ADARB2: variants seen among roughly 807,000 people sequenced by gnomAD.
ADARB2 encodes inactive double-stranded RNA-specific editase B2.
Under a neutral mutation model 62.2 loss-of-function variants are expected in ADARB2, and 25 were observed. The observed-to-expected ratio is 0.40, with a 90% CI of 0.29 to 0.56. ADARB2 has a LOEUF of 0.56. Ranked by LOEUF, ADARB2 falls within the 20% of genes least tolerant of loss-of-function variation. ADARB2 has a pLI of 0.43. For missense variants in ADARB2, 1,071 were observed against 1,077.4 expected, an observed-to-expected ratio of 0.99 and a Z score of 0.08; for synonymous variants, 572 against 500.8, an observed-to-expected ratio of 1.14 and a Z score of -1.90.
At chr10:1,215,480 A>G (rs1318779169) in intron 7 of ADARB2, among the ~76,000 whole-genome samples, 1 of 151,984 alleles carries the variant, frequency 6.6e-6, no homozygotes, top group African/African-American at 2.4e-5. Context: ...GGCCCTCCCC[A>G]CTCAGCCTCC....
chr10:1,191,236 C>T (rs932812347), intron 8 of ADARB2, among the ~76,000 whole-genome samples: 4 of 152,190 alleles, frequency 2.6e-5, no homozygotes, highest in South Asian at 2.1e-4. Context: ...TGAGGACCAG[C>T]GGGGCTCACG....
intron 3 of ADARB2, among the ~76,000 whole-genome samples, chr10:1,337,657 C>T (rs764833025): frequency 6.6e-5 from 10 of 151,930 alleles, no homozygotes; most frequent in Non-Finnish European, 1.2e-4. Context: ...TCAACTTTAC[C>T]CTGGGGCTGG....
At chr10:1,679,527 C>T (rs761893996) in intron 1 of ADARB2, among the ~76,000 whole-genome samples, 3 of 152,080 alleles carry the variant, frequency 2.0e-5, no homozygotes, top group South Asian at 2.1e-4. Context: ...TCAAGGTGAT[C>T]GGGTGCCACT....
At chr10:1,316,913 T>C (rs1407286625) in intron 3 of ADARB2, among the ~76,000 whole-genome samples, 2 of 152,248 alleles carry the variant, frequency 1.3e-5, no homozygotes, top group Non-Finnish European at 2.9e-5. Flanking sequence ...TGCAGTTTTG[T>C]GTGCGTGTGT....
intron 3 of ADARB2, among the ~76,000 whole-genome samples, chr10:1,286,774 C>G (rs193102917): frequency 6.6e-6 from 1 of 152,114 alleles, no homozygotes; most frequent in Non-Finnish European, 1.5e-5. Flanking sequence ...ATCCTGCACT[C>G]GTCTCTTCCG....
intron 3 of ADARB2, among the ~76,000 whole-genome samples, chr10:1,320,767 A>T (rs553692472): frequency 8.5e-5 from 13 of 152,364 alleles, no homozygotes; most frequent in Non-Finnish European, 1.8e-4. Flanking sequence ...GACAGATGAT[A>T]AAATAATTCC....
chr10:1,189,090 G>A lies in ADARB2; in HGVS notation c.1865-4051C>T, dbSNP rs74986819. On this transcript the variant is annotated intron_variant, in intron 8 of 9. Coordinates refer to ENST00000381312, the MANE Select transcript of ADARB2 (RefSeq NM_018702.4). ...CCCCGCAGCCTGAGTCACCCTCAAG[G>A]AGGTAACTCCCTGTCCTGGGATGTC... Among the ~76,000 whole-genome samples, 271 of 151,202 alleles carry A rather than the reference G, an allele frequency of 1.8e-3. 3 individuals are homozygous for A. Among genetic ancestry groups the A allele is most frequent in the African/African-American group, 5.6e-3 (226 of 40,548 alleles).
At chr10:1,348,860 G>A (rs1832106819) in intron 3 of ADARB2, among the ~76,000 whole-genome samples, 2 of 152,314 alleles carry the variant, frequency 1.3e-5, no homozygotes, top group African/African-American at 4.8e-5. Flanking sequence ...CAGCTCTGGG[G>A]CTCATGGGAG....
chr10:1,200,379 C>T, intron 7 of ADARB2: 2 of 564,348 alleles, frequency 3.5e-6, no homozygotes, highest in Middle Eastern at 2.6e-4. Flanking sequence ...ATGCTGCTCT[C>T]TTTTCTGAAA....
intron 1 of ADARB2, among the ~76,000 whole-genome samples, chr10:1,734,781 C>G (rs1428678606): frequency 1.3e-5 from 2 of 152,172 alleles, no homozygotes. Context: ...TAAATTGTGG[C>G]AAGTATAGAG....
At chr10:1,410,650 G>T (rs1259197406) in intron 1 of ADARB2, among the ~76,000 whole-genome samples, 1 of 152,124 alleles carries the variant, frequency 6.6e-6, no homozygotes, top group African/African-American at 2.4e-5. Context: ...TGCTCCAACT[G>T]CCTCTCCTCG....
chr10:1,616,873 G>C (rs1833642156), intron 1 of ADARB2, among the ~76,000 whole-genome samples: 1 of 145,760 alleles, frequency 6.9e-6, no homozygotes, highest in African/African-American at 2.6e-5. Context: ...TGCATCCTGG[G>C]AACTGGCCTC....
intron 1 of ADARB2, among the ~76,000 whole-genome samples, chr10:1,642,948 C>T (rs1833997421): frequency 6.6e-6 from 1 of 152,248 alleles, no homozygotes; most frequent in East Asian, 1.9e-4. Context: ...GCGGCCCCCT[C>T]CTAATTAGCA....
intron 1 of ADARB2, among the ~76,000 whole-genome samples, chr10:1,623,758 G>A (rs1369707663): frequency 1.4e-5 from 1 of 72,140 alleles, no homozygotes; most frequent in Admixed American, 1.3e-4. Context: ...TGCCCAGTAC[G>A]AGGGCTGAGT....
chr10:1,626,700 G>A (rs1362347927), intron 1 of ADARB2, among the ~76,000 whole-genome samples: 3 of 152,192 alleles, frequency 2.0e-5, no homozygotes, highest in Non-Finnish European at 4.4e-5. Flanking sequence ...CATGGGCAGA[G>A]GGAAGGTGGC....
At chr10:1,675,179 T>G (rs1334813140) in intron 1 of ADARB2, 1 of 982,228 alleles carries the variant, frequency 1.0e-6, no homozygotes, top group African/African-American at 1.8e-5. Flanking sequence ...AGGTTTGGGT[T>G]CAGGGATGCA....
chr10:1,571,757 G>T (rs1832938073), intron 1 of ADARB2, among the ~76,000 whole-genome samples: 1 of 151,494 alleles, frequency 6.6e-6, no homozygotes, highest in Non-Finnish European at 1.5e-5. Flanking sequence ...TGAGTGTGCA[G>T]GTGAGTGGAC....
intron 3 of ADARB2, among the ~76,000 whole-genome samples, chr10:1,318,483 T>TGG (rs746278044): frequency 6.2e-4 from 94 of 152,256 alleles, no homozygotes; most frequent in Non-Finnish European, 1.0e-3. Context: ...ACTCCTGGTG[T>TGG]GGGGAGTGGT....
intron 1 of ADARB2, among the ~76,000 whole-genome samples, chr10:1,538,523 C>T (rs985455095): frequency 1.3e-5 from 2 of 152,224 alleles, no homozygotes; most frequent in African/African-American, 2.4e-5. Flanking sequence ...CAGAGGATCA[C>T]GCGGCCCCCA....
Sources: allele counts gnomAD v4.1 joint callset (sites outside exome capture counted in the v4.1 genomes callset), GRCh38; gene constraint gnomAD v4.1.1; transcripts MANE v1.5; gene names NCBI Gene and HGNC (gene_info 2026-07-23, HGNC 2026-07-21).